PPP1R12B: variants seen among roughly 807,000 people sequenced by gnomAD.
The protein encoded by PPP1R12B is myosin phosphatase target subunit 2.
PPP1R12B carries 76 observed loss-of-function variants against 126.1 expected under a neutral mutation model. The ratio of observed to expected loss-of-function variants is 0.60; its 90% CI spans 0.50 to 0.73. The LOEUF is 0.73. PPP1R12B is among the 30% of genes least tolerant of loss of function. The pLI is 0.00. For missense variants in PPP1R12B, 1,052 were observed against 1,205.1 expected (o/e 0.87, Z 1.88); for synonymous variants, 356 against 434.7 (o/e 0.82, Z 2.25).
intron 1 of PPP1R12B, among the ~76,000 whole-genome samples, chr1:202,363,739 C>T (rs1292816306): frequency 1.3e-5 from 2 of 152,118 alleles, no homozygotes; most frequent in African/African-American, 4.8e-5. Context: ...CACCATTTGA[C>T]CCACCTGTGC....
intron 13 of PPP1R12B, among the ~76,000 whole-genome samples, chr1:202,463,802 G>A (rs187547653): frequency 2.6e-5 from 4 of 152,222 alleles, no homozygotes; most frequent in East Asian, 3.9e-4. Context: ...CCTGCTGATC[G>A]TTAGTCATTT....
chr1:202,471,957 A>G (rs1289818472), intron 13 of PPP1R12B: 1 of 1,596,726 alleles, frequency 6.3e-7, no homozygotes, highest in Non-Finnish European at 8.5e-7. Flanking sequence ...AACACACAAA[A>G]CTACCGTTTG....
intron 1 of PPP1R12B, among the ~76,000 whole-genome samples, chr1:202,380,345 C>G (rs1216556125): frequency 6.6e-6 from 1 of 152,092 alleles, no homozygotes; most frequent in Non-Finnish European, 1.5e-5. Flanking sequence ...GCAGAAGACT[C>G]AGGAGGTGAA....
chr1:202,427,047 A>G lies in PPP1R12B; in HGVS notation c.709A>G (p.Ile237Val), dbSNP rs2148651426. ...TTTGGGTTTTCTTTTTAGACTTTTA[A>G]TTCAGGCTGGCTATGAACTCAATGT... ...KGYSEVLRLL[I>V]QAGYELNVQD... is the part of the protein sequence containing the mutation. Residue 237 changes from isoleucine (I) to valine (V), a missense_variant, in exon 5 of 24, where the codon ATT becomes GTT. Transcript: ENST00000608999. The G allele has an allele frequency of 6.2e-7, 1 of 1,610,162 alleles. No homozygotes were observed. Among genetic ancestry groups the G allele is most frequent in the Non-Finnish European group, 8.5e-7 (1 of 1,179,080 alleles).
Position 202,588,645 on chromosome 1 carries a change from T to TATCA in PPP1R12B, c.*8086_*8089dup, listed in dbSNP as rs1257129665. 5 of 152,264 alleles carry TATCA rather than the reference T, an allele frequency of 3.3e-5. No individual in the cohort carries two copies. The highest frequency in any genetic ancestry group is 9.7e-5 in the African/African-American group (4 of 41,418). 9.4% of individuals were successfully genotyped at this position (152,264 alleles called of 1,614,324 possible). On this transcript the variant is annotated 3_prime_UTR_variant, in exon 24 of 24. Coordinates refer to ENST00000608999, the MANE Select transcript of PPP1R12B (RefSeq NM_002481.4). The stretch of plus-strand genomic sequence containing the variant: ...GGCAGCCTCTTCTGATTTTACATCT[T>TATCA]ATCATTGGTGGGGGCCTCGCCCACC...
chr1:202,498,278 C>G (rs1337090911), intron 18 of PPP1R12B, among the ~76,000 whole-genome samples: 1 of 152,158 alleles, frequency 6.6e-6, no homozygotes, highest in African/African-American at 2.4e-5. Context: ...AAAAAATACT[C>G]CACACATCCA....
rs561266090 is a variant in PPP1R12B at position 202,438,771 on chromosome 1, T to C, written c.1458+747T>C. 4 of 736,202 alleles carry C rather than the reference T, an allele frequency of 5.4e-6. No homozygotes were observed. In the African/African-American group the frequency reaches 6.9e-5, roughly 13 times the overall value. 45.6% of individuals were successfully genotyped at this position (736,202 alleles called of 1,614,324 possible). A position where few individuals can be genotyped will look rare whatever the true frequency, so the allele number is the denominator to read the frequency against. On this transcript the variant is annotated intron_variant, in intron 10 of 23. Transcript: ENST00000608999. The stretch of plus-strand genomic sequence containing the variant: ...CAGCATGTGGGAGCTGGTGTTCACC[T>C]TGAACAACTGTGACGTCATCCAGGC...
chr1:202,358,240 G>C (rs1657473458), intron 1 of PPP1R12B, among the ~76,000 whole-genome samples: 1 of 152,166 alleles, frequency 6.6e-6, no homozygotes, highest in African/African-American at 2.4e-5. Context: ...CTGTGAATAT[G>C]TTGGGGTTTT....
In PPP1R12B at chr1:202,589,188, A is replaced by G. The variant is rs180696149; in HGVS notation, c.*8628A>G. ...ATTGAAGGTTAAATCTAAACTCAAA[A>G]TGAAGGAGCCATGCCCAGAGAAGAG... On this transcript the variant is annotated 3_prime_UTR_variant, in exon 24 of 24. Coordinates refer to ENST00000608999, the MANE Select transcript of PPP1R12B (RefSeq NM_002481.4). The G allele has an allele frequency of 1.3e-5, 2 of 152,354 alleles. No individual in the cohort carries two copies. Among genetic ancestry groups the G allele is most frequent in the East Asian group, 3.9e-4 (2 of 5,192 alleles). The allele number at this position is 152,354 out of a possible 1,614,324, so 9.4% of individuals were successfully genotyped here.
At position 202,583,969 on chromosome 1, in the gene PPP1R12B, C is replaced by T. The variant is rs1261071500; in HGVS notation, c.*3409C>T. On this transcript the variant is annotated 3_prime_UTR_variant, in exon 24 of 24. Transcript: ENST00000608999. ...CTTTGGAAGTAATGATTTGGCCATTCCAGAGATTCTGGGGCTAAAGTTTGT... is the reference window on the plus strand; with the variant it reads ...CTTTGGAAGTAATGATTTGGCCATTTCAGAGATTCTGGGGCTAAAGTTTGT... 6.6e-6 allele frequency: 1 copy of T among 152,160 alleles called. No individual in the cohort carries two copies. Among genetic ancestry groups the T allele is most frequent in the Non-Finnish European group, 1.5e-5 (1 of 68,030 alleles). The allele number at this position is 152,160 out of a possible 1,614,324, so 9.4% of individuals were successfully genotyped here.
chr1:202,349,149 C>A lies in PPP1R12B; in HGVS notation c.291+7C>A, dbSNP rs758584878. 8.1e-6 allele frequency: 13 copies of A among 1,613,472 alleles called. No individual in the cohort carries two copies. Among genetic ancestry groups the A allele is most frequent in the Non-Finnish European group, 1.1e-5 (13 of 1,179,974 alleles). ...CTTGACAGCCCTGCACCAGGTAACT[C>A]CTTTCTTGGTCTTAGAGGCGTCCAG... On this transcript the variant is annotated splice_region_variant and intron_variant, in intron 1 of 23. Transcript: ENST00000608999.
chr1:202,578,968 C>T (rs1227048701), intron 23 of PPP1R12B, among the ~76,000 whole-genome samples: 2 of 152,176 alleles, frequency 1.3e-5, no homozygotes, highest in African/African-American at 4.8e-5. Flanking sequence ...CACTGGGATT[C>T]AATATTAGCT....
At chr1:202,377,927 C>T (rs376217610) in intron 1 of PPP1R12B, among the ~76,000 whole-genome samples, 7 of 148,472 alleles carry the variant, frequency 4.7e-5, no homozygotes, top group African/African-American at 1.7e-4. Context: ...GCAGGCTCCG[C>T]CCCCGGGTTC....
At chr1:202,378,291 C>T (rs1281185143) in intron 1 of PPP1R12B, among the ~76,000 whole-genome samples, 2 of 138,278 alleles carry the variant, frequency 1.4e-5, no homozygotes, top group Admixed American at 8.2e-5. Flanking sequence ...TAAAAATGGC[C>T]ACCAAAAGAA....
At chr1:202,488,022 G>A (rs1352030714) in intron 13 of PPP1R12B, among the ~76,000 whole-genome samples, 5 of 152,178 alleles carry the variant, frequency 3.3e-5, no homozygotes, top group African/African-American at 9.7e-5. Context: ...ATTAGGCACA[G>A]TAAGAGATTA....
rs182666294 is a variant in PPP1R12B, at chr1:202,584,969, G to A, written c.*4409G>A. 15 of 152,318 alleles carry A rather than the reference G, an allele frequency of 9.8e-5. No homozygotes were observed. The highest frequency in any genetic ancestry group is 8.5e-4 in the Admixed American group (13 of 15,300). The allele number at this position is 152,318 out of a possible 1,614,324, so 9.4% of individuals were successfully genotyped here. A position where few individuals can be genotyped will look rare whatever the true frequency, so the allele number is the denominator to read the frequency against. On this transcript the variant is annotated 3_prime_UTR_variant, in exon 24 of 24. Coordinates refer to ENST00000608999, the MANE Select transcript of PPP1R12B (RefSeq NM_002481.4). ...ACTTTAAGCACACACTTACCAATCA[G>A]AGGTCGTGTAATTGGCCTAAATCTA...
At chr1:202,352,923 G>A (rs1314188313) in intron 1 of PPP1R12B, among the ~76,000 whole-genome samples, 1 of 152,028 alleles carries the variant, frequency 6.6e-6, no homozygotes, top group African/African-American at 2.4e-5. Context: ...GACTGTCTTT[G>A]TAATGTGCAG....
chr1:202,362,980 T>C (rs1658482439), intron 1 of PPP1R12B, among the ~76,000 whole-genome samples: 1 of 152,126 alleles, frequency 6.6e-6, no homozygotes, highest in Non-Finnish European at 1.5e-5. Flanking sequence ...ACTACAGGCA[T>C]GCACCATCAT....
chr1:202,420,740 G>A (rs1165641023), intron 2 of PPP1R12B, among the ~76,000 whole-genome samples: 1 of 152,104 alleles, frequency 6.6e-6, no homozygotes, highest in African/African-American at 2.4e-5. Context: ...TACAAATAGA[G>A]GGAGTTCGTT....
Sources: allele counts gnomAD v4.1 joint callset (sites outside exome capture counted in the v4.1 genomes callset), GRCh38; gene constraint gnomAD v4.1.1; transcripts MANE v1.5; gene names NCBI Gene and HGNC (gene_info 2026-07-23, HGNC 2026-07-21).